Variants in RIMBP2 observed in about 807,000 individuals in gnomAD.
The protein encoded by RIMBP2 is RIMS-binding protein 2.
RIMBP2 carries 48 observed loss-of-function variants against 118.6 expected under a neutral mutation model. That is an observed-to-expected ratio of 0.40 (90% CI 0.32 to 0.51). RIMBP2 has a LOEUF of 0.51. Ranked by LOEUF, RIMBP2 falls within the 20% of genes least tolerant of loss-of-function variation. The pLI, the probability that RIMBP2 is intolerant of heterozygous loss-of-function variation, is 0.41. For synonymous variants in RIMBP2, 762 were observed against 742.9 expected (o/e 1.03, Z -0.42); for missense variants, 1,551 against 1,768.3 (o/e 0.88, Z 2.20).
intron 1 of RIMBP2, among the ~76,000 whole-genome samples, chr12:130,701,432 C>G (rs572614739): frequency 6.6e-6 from 1 of 152,288 alleles, no homozygotes; most frequent in South Asian, 2.1e-4. Context: ...GAGTTTACAA[C>G]CCCTGAAGAC....
Position 130,622,305 on chromosome 12 carries a change from T to A in RIMBP2, c.-217+6017A>T, listed in dbSNP as rs1436761233. 2.6e-5 allele frequency among the ~76,000 whole-genome samples: 4 copies of A among 152,146 alleles called. No homozygotes were observed. The highest frequency in any genetic ancestry group is 4.4e-5 in the Non-Finnish European group (3 of 68,038). On this transcript the variant is annotated intron_variant, in intron 2 of 22. Coordinates refer to ENST00000690449, the MANE Select transcript of RIMBP2 (RefSeq NM_001393629.1). The surrounding 1 kb of genome is among the most constrained non-coding windows in gnomAD (Gnocchi z 8.5). ...TCCCCAAACATCACAAGTTTTGCCA[T>A]CTCTGTGCCCACTGTTAACTGACCC...
Position 130,623,393 on chromosome 12 carries a change from A to C in RIMBP2, c.-217+4929T>G, listed in dbSNP as rs1449628803. 6.6e-6 allele frequency among the ~76,000 whole-genome samples: 1 copy of C among 152,048 alleles called. No individual in the cohort carries two copies. Among genetic ancestry groups the C allele is most frequent in the Non-Finnish European group, 1.5e-5 (1 of 68,000 alleles). ...CCCACAAGTATTAGGTATTTGCCCTAATGCTCCCCCTCCCCTTGCCCCCAC... is the reference window on the plus strand; with the variant it reads ...CCCACAAGTATTAGGTATTTGCCCTCATGCTCCCCCTCCCCTTGCCCCCAC... On this transcript the variant is annotated intron_variant, in intron 2 of 22. Transcript: ENST00000690449. The surrounding 1 kb of genome is among the most constrained non-coding windows in gnomAD (Gnocchi z 4.1).
intron 19 of RIMBP2, among the ~76,000 whole-genome samples, chr12:130,409,222 G>A (rs1345367808): frequency 6.6e-6 from 1 of 151,686 alleles, no homozygotes; most frequent in African/African-American, 2.4e-5. Flanking sequence ...GATATAGACC[G>A]GCCATAGTCC....
intron 2 of RIMBP2, among the ~76,000 whole-genome samples, chr12:130,550,087 G>A (rs1056628175): frequency 3.3e-5 from 5 of 152,200 alleles, no homozygotes; most frequent in African/African-American, 1.2e-4. Context: ...AGTACACGCT[G>A]TTGATGTAAT....
rs2051639971 is a variant in RIMBP2, at chr12:130,517,856, A to T, written c.-155T>A. On this transcript the variant is annotated 5_prime_UTR_variant, in exon 3 of 23. Coordinates refer to ENST00000690449, the MANE Select transcript of RIMBP2 (RefSeq NM_001393629.1). ...GTCATGCTGCCGGGCCCTTGTGGGA[A>T]GGCCTGCATGATGGGATCTCAGGAG... 4.1e-6 allele frequency: 4 copies of T among 985,746 alleles called. No individual in the cohort carries two copies. The African/African-American group carries it at 7.0e-5, about 17-fold the overall frequency. 61.1% of individuals were successfully genotyped at this position (985,746 alleles called of 1,614,324 possible).
chr12:130,704,557 A>G (rs1178490363), intron 1 of RIMBP2, among the ~76,000 whole-genome samples: 2 of 152,200 alleles, frequency 1.3e-5, no homozygotes, highest in African/African-American at 2.4e-5. Flanking sequence ...CCTGGGCAAC[A>G]GAGCCAGACT....
chr12:130,423,225 G>T (rs1000126664), intron 16 of RIMBP2, among the ~76,000 whole-genome samples: 9 of 152,184 alleles, frequency 5.9e-5, no homozygotes, highest in South Asian at 2.1e-4. Context: ...ATGGAGTGAG[G>T]AAGTTCTCAG....
chr12:130,541,344 T>C (rs2054585663), intron 2 of RIMBP2, among the ~76,000 whole-genome samples: 1 of 152,342 alleles, frequency 6.6e-6, no homozygotes, highest in African/African-American at 2.4e-5. Context: ...TTCCTTATAG[T>C]AATTCTTAGT....
chr12:130,710,534 A>G lies in RIMBP2; in HGVS notation c.-352+5688T>C, dbSNP rs1166306962. Among the ~76,000 whole-genome samples the G allele has an allele frequency of 6.6e-6, 1 of 152,098 alleles. No individual in the cohort carries two copies. The highest frequency in any genetic ancestry group is 1.5e-5 in the Non-Finnish European group (1 of 68,014). On this transcript the variant is annotated intron_variant, in intron 1 of 22. Coordinates refer to ENST00000690449, the MANE Select transcript of RIMBP2 (RefSeq NM_001393629.1). The surrounding 1 kb of genome is among the most constrained non-coding windows in gnomAD (Gnocchi z 4.3). ...CCCTCCTCTAGCTTGTTCACTGCTC[A>G]CCTAAAATGTGAGTCAGTATTTAGC...
chr12:130,511,138 A>C lies in RIMBP2; in HGVS notation c.-126-4368T>G, dbSNP rs1245410613. On this transcript the variant is annotated intron_variant, in intron 3 of 22. Coordinates refer to ENST00000690449, the MANE Select transcript of RIMBP2 (RefSeq NM_001393629.1). The surrounding 1 kb of genome is among the most constrained non-coding windows in gnomAD (Gnocchi z 4.3). ...GGCTCTACGTAGTCACAGAGCCCTT[A>C]TCAGGAAAAGCAGAGTCAGAGACAA... Among the ~76,000 whole-genome samples the C allele has an allele frequency of 6.6e-6, 1 of 151,922 alleles. No individual in the cohort carries two copies. The highest frequency in any genetic ancestry group is 1.5e-5 in the Non-Finnish European group (1 of 67,978).
At position 130,439,260 on chromosome 12, in the gene RIMBP2, GTGTA is replaced by G. The variant is rs201746962; in HGVS notation, c.1505-748_1505-745del. Among the ~76,000 whole-genome samples the G allele has an allele frequency of 8.4e-3, 1,278 of 152,066 alleles. 20 individuals carry two copies. Among genetic ancestry groups the G allele is most frequent in the African/African-American group, 0.03 (1,224 of 41,434 alleles). On this transcript the variant is annotated intron_variant, in intron 11 of 22. Coordinates refer to ENST00000690449, the MANE Select transcript of RIMBP2 (RefSeq NM_001393629.1). ...TATATGTATGTATGTATATGTACATGTGTATGTGTGTATGTACATTGTGTGTGTA... is the reference window on the plus strand; with the variant it reads ...TATATGTATGTATGTATATGTACATGTGTGTGTATGTACATTGTGTGTGTA...
At chr12:130,488,389 G>C (rs576871958) in intron 4 of RIMBP2, among the ~76,000 whole-genome samples, 1 of 152,108 alleles carries the variant, frequency 6.6e-6, no homozygotes, top group East Asian at 1.9e-4. Flanking sequence ...GTGGTGTTAG[G>C]TGGATGGTAG....
chr12:130,577,301 G>A (rs1008839383), intron 2 of RIMBP2, among the ~76,000 whole-genome samples: 1 of 152,102 alleles, frequency 6.6e-6, no homozygotes. Flanking sequence ...CCTAATAAAC[G>A]CTAGCTATAA....
At chr12:130,681,100 A>T (rs1199790530) in intron 1 of RIMBP2, among the ~76,000 whole-genome samples, 1 of 152,176 alleles carries the variant, frequency 6.6e-6, no homozygotes, top group Admixed American at 6.5e-5. Flanking sequence ...CAAAAGAGGA[A>T]CAATAATTGC....
chr12:130,440,790 C>T (rs916891740), intron 11 of RIMBP2, among the ~76,000 whole-genome samples: 2 of 152,234 alleles, frequency 1.3e-5, no homozygotes, highest in African/African-American at 4.8e-5. Context: ...CCTCAGGCAG[C>T]GTCTGTCCCA....
intron 1 of RIMBP2, among the ~76,000 whole-genome samples, chr12:130,699,889 T>G: frequency 8.1e-6 from 1 of 123,142 alleles, no homozygotes; most frequent in Admixed American, 9.9e-5. Context: ...TGGGTGATGG[T>G]GTGAGACTCT....
chr12:130,664,465 ACACACG>A (rs1555320967), intron 1 of RIMBP2, among the ~76,000 whole-genome samples: 1 of 122,634 alleles, frequency 8.2e-6, no homozygotes, highest in Non-Finnish European at 1.8e-5. Flanking sequence ...ATGCACGCAC[ACACACG>A]CACGCACACG....
At chr12:130,479,734 A>G (rs534724600) in intron 4 of RIMBP2, among the ~76,000 whole-genome samples, 1 of 152,036 alleles carries the variant, frequency 6.6e-6, no homozygotes, top group Admixed American at 6.5e-5. Context: ...CCCCTCTGGG[A>G]AAGTCGCAAG....
chr12:130,591,960 C>T (rs910783242), intron 2 of RIMBP2, among the ~76,000 whole-genome samples: 3 of 152,208 alleles, frequency 2.0e-5, no homozygotes, highest in African/African-American at 7.2e-5. Flanking sequence ...CCCAGCCGAG[C>T]CACGTCCCAG....
Sources: allele counts gnomAD v4.1 joint callset (sites outside exome capture counted in the v4.1 genomes callset), GRCh38; gene constraint gnomAD v4.1.1; non-coding constraint Gnocchi (gnomAD v3.1); transcripts MANE v1.5; gene names NCBI Gene and HGNC (gene_info 2026-07-23, HGNC 2026-07-21).